SNX18: variants seen among roughly 807,000 people sequenced by gnomAD.
SNX18 encodes sorting nexin-18.
In SNX18, 35 loss-of-function variants were observed where a neutral mutation model predicts 48.7. The ratio of observed to expected loss-of-function variants is 0.72; its 90% CI spans 0.55 to 0.95. SNX18 has a LOEUF of 0.95. SNX18 is among the 40% of genes least tolerant of loss of function. The pLI, the probability that SNX18 is intolerant of heterozygous loss-of-function variation, is 0.00. For missense variants in SNX18, 824 were observed against 871.0 expected (o/e 0.95, Z 0.68); for synonymous variants, 492 against 384.7 (o/e 1.28, Z -3.26).
the SNX18 span, among the ~76,000 whole-genome samples, chr5:54,624,514 T>C: frequency 6.6e-6 from 1 of 152,170 alleles, no homozygotes; most frequent in East Asian, 1.9e-4. Flanking sequence ...ATGTAACATA[T>C]CTTGGAGCAC....
At chr5:54,556,542 T>C in the SNX18 span, among the ~76,000 whole-genome samples, 1 of 152,240 alleles carries the variant, frequency 6.6e-6, no homozygotes, top group Non-Finnish European at 1.5e-5. Context: ...GAGACTCTTA[T>C]ATTAAGGTCA....
chr5:54,540,799 G>T (rs1481318639), intron 1 of SNX18, among the ~76,000 whole-genome samples: 5 of 150,648 alleles, frequency 3.3e-5, no homozygotes, highest in Non-Finnish European at 5.9e-5. Context: ...AGCAGGGAAG[G>T]ATCCTGCGTA....
rs760469131 is a variant in SNX18 at position 54,518,695 on chromosome 5, C to T, written c.743C>T (p.Ala248Val). The stretch of plus-strand genomic sequence containing the variant: ...GGGGAGGCCTTCGTGCTGGGGGAGG[C>T]GTCAGGCTTCGTGAAGGACGGGGAC... ...SGGEAFVLGE[A>V]SGFVKDGDKL... is the part of the protein sequence containing the mutation. Residue 248 changes from alanine (A) to valine (V), a missense_variant, in exon 1 of 2, where the codon GCG becomes GTG. Physicochemically the swap from Ala to Val is moderately conservative, Grantham distance 64. Transcript: ENST00000381410. 4 of 1,577,186 alleles carry T rather than the reference C, an allele frequency of 2.5e-6. No homozygotes were observed. In the African/African-American group the frequency reaches 4.1e-5, roughly 16 times the overall value.
the SNX18 span, among the ~76,000 whole-genome samples, chr5:54,630,170 T>C: frequency 6.6e-6 from 1 of 152,196 alleles, no homozygotes; most frequent in Non-Finnish European, 1.5e-5. Context: ...CCCAGCTCTG[T>C]TGTACTCAGT....
chr5:54,547,143 GC>G (rs1233676151), downstream of SNX18, among the ~76,000 whole-genome samples: 1 of 152,134 alleles, frequency 6.6e-6, no homozygotes, highest in Non-Finnish European at 1.5e-5. Context: ...GAATGGCCTA[GC>G]CATCTTTTAC....
chr5:54,518,386 A>C lies in SNX18; in HGVS notation c.434A>C (p.Gln145Pro), dbSNP rs868332723. The C allele has an allele frequency of 6.3e-7, 1 of 1,575,802 alleles. No homozygotes were observed. Among genetic ancestry groups the C allele is most frequent in the Non-Finnish European group, 8.6e-7 (1 of 1,162,268 alleles). ...PSPQQLYGGY[Q>P]ASQGSDDDWD... The stretch of plus-strand genomic sequence containing the variant: ...CCTCAGCAGCTCTACGGCGGCTACC[A>C]GGCCAGCCAAGGCAGCGATGATGAC... The change falls in exon 1 of 2, where the codon CAG becomes CCG. Residue 145 changes from glutamine to proline, a missense_variant. Transcript: ENST00000381410.
At chr5:54,638,842 C>T in the SNX18 span, among the ~76,000 whole-genome samples, 181 of 152,264 alleles carry the variant, frequency 1.2e-3, no homozygotes, top group African/African-American at 3.1e-3. Flanking sequence ...GAGCCCTGGC[C>T]ACACCCCTCC....
chr5:54,578,767 A>T, the SNX18 span, among the ~76,000 whole-genome samples: 1 of 152,150 alleles, frequency 6.6e-6, no homozygotes, highest in Non-Finnish European at 1.5e-5. Flanking sequence ...GATCCTTAGG[A>T]TAAATTTCCC....
At chr5:54,542,997 A>G (rs1762500404) in intron 1 of SNX18, among the ~76,000 whole-genome samples, 182 bp from the exon 2 acceptor site, 1 of 152,178 alleles carries the variant, frequency 6.6e-6, no homozygotes, top group African/African-American at 2.4e-5. Flanking sequence ...TGTTTTCAGA[A>G]ACTTTACCAG....
chr5:54,586,346 C>T, the SNX18 span, among the ~76,000 whole-genome samples: 11 of 151,982 alleles, frequency 7.2e-5, no homozygotes, highest in African/African-American at 1.4e-4. Context: ...GTGATGATGC[C>T]GTGGGGAAAT....
At chr5:54,584,548 C>T in the SNX18 span, among the ~76,000 whole-genome samples, 68 of 151,884 alleles carry the variant, frequency 4.5e-4, no homozygotes, top group Admixed American at 1.9e-3. Context: ...CCTTGTTGTT[C>T]GAAAAGATTA....
chr5:54,543,548 T>A lies in SNX18; in HGVS notation c.*116T>A. 1.6e-6 allele frequency: 2 copies of A among 1,254,432 alleles called. No individual in the cohort carries two copies. Among genetic ancestry groups the A allele is most frequent in the African/African-American group, 1.5e-5 (1 of 66,356 alleles). 77.7% of individuals were successfully genotyped at this position (1,254,432 alleles called of 1,614,324 possible). A position where few individuals can be genotyped will look rare whatever the true frequency, so the allele number is the denominator to read the frequency against. ...CAGTGGTGGTACAAGGACGGTTTTG[T>A]GTTCATCTGAAACCCAGCTGAATTT... On this transcript the variant is annotated 3_prime_UTR_variant, in exon 2 of 2. Transcript: ENST00000381410.
At chr5:54,643,558 GTAA>G in the SNX18 span, 7 of 152,140 alleles carry the variant, frequency 4.6e-5, no homozygotes, top group Non-Finnish European at 8.8e-5. Flanking sequence ...TGTAGTTCTA[GTAA>G]TAATGAATGA....
chr5:54,553,542 G>A, the SNX18 span, among the ~76,000 whole-genome samples: 3 of 152,094 alleles, frequency 2.0e-5, no homozygotes, highest in Non-Finnish European at 4.4e-5. Flanking sequence ...GTGATGCAAG[G>A]GACATTCTCC....
downstream of SNX18, among the ~76,000 whole-genome samples, chr5:54,549,826 C>G (rs748882137): frequency 2.8e-4 from 42 of 152,326 alleles, no homozygotes; most frequent in Admixed American, 7.2e-4. Flanking sequence ...ATGTGTCACT[C>G]TGGGAAGTTG....
chr5:54,543,413 A>G lies in SNX18; in HGVS notation c.1856A>G (p.His619Arg), dbSNP rs1762510070. 1 of 1,614,020 alleles carries G rather than the reference A, an allele frequency of 6.2e-7. No individual in the cohort carries two copies. Among genetic ancestry groups the G allele is most frequent in the Non-Finnish European group, 8.5e-7 (1 of 1,179,988 alleles). ...KVTQKLEEAL[H>R]KYDSV ...ACCCAGAAGTTGGAAGAAGCTCTTC[A>G]CAAATATGATAGTGTTTAATGACTG... is the stretch of plus-strand genomic sequence containing the variant. The change falls in exon 2 of 2, where the codon CAC becomes CGC. Residue 619 changes from histidine (H) to arginine (R), a missense_variant. His to Arg is a conservative substitution (Grantham distance 29). Transcript: ENST00000381410.
chr5:54,598,582 G>A, the SNX18 span, among the ~76,000 whole-genome samples: 7 of 152,092 alleles, frequency 4.6e-5, no homozygotes, highest in Middle Eastern at 3.4e-3. Context: ...TTCAACATAC[G>A]CAAATCAATA....
the SNX18 span, among the ~76,000 whole-genome samples, chr5:54,603,007 G>A: frequency 2.2e-4 from 33 of 152,156 alleles, no homozygotes; most frequent in African/African-American, 8.0e-4. Flanking sequence ...TGCTGTAACC[G>A]AATTGGGGGA....
chr5:54,569,016 C>A, the SNX18 span, among the ~76,000 whole-genome samples: 2 of 151,672 alleles, frequency 1.3e-5, no homozygotes, highest in Non-Finnish European at 2.9e-5. Flanking sequence ...CTAATTTTTG[C>A]ATTTTTAGTA....
Sources: allele counts gnomAD v4.1 joint callset (sites outside exome capture counted in the v4.1 genomes callset), GRCh38; gene constraint gnomAD v4.1.1; transcripts MANE v1.5; gene names NCBI Gene and HGNC (gene_info 2026-07-23, HGNC 2026-07-21).